Variants in ARFIP1 observed in about 807,000 individuals in gnomAD.
The protein encoded by ARFIP1 is arfaptin-1.
ARFIP1 carries 24 observed loss-of-function variants against 42.5 expected under a neutral mutation model. That is an observed-to-expected ratio of 0.57 (90% CI 0.41 to 0.80). The LOEUF is 0.80. ARFIP1 is among the 30% of genes least tolerant of loss of function. ARFIP1 has a pLI of 0.00. For missense variants in ARFIP1, 354 were observed against 434.0 expected (o/e 0.82, Z 1.64); for synonymous variants, 141 against 153.7 (o/e 0.92, Z 0.61).
chr4:152,858,176 C>T (rs1413110049), intron 2 of ARFIP1, among the ~76,000 whole-genome samples: 2 of 152,086 alleles, frequency 1.3e-5, no homozygotes, highest in Non-Finnish European at 2.9e-5. Context: ...TCTGTAATCC[C>T]AGCTACTCGG....
intron 2 of ARFIP1, among the ~76,000 whole-genome samples, chr4:152,836,825 G>C (rs890666022): frequency 2.0e-5 from 3 of 151,844 alleles, no homozygotes; most frequent in South Asian, 2.1e-4. Context: ...TGAGGTACAG[G>C]TGGTATTTGG....
chr4:152,907,669 T>C (rs571551540), intron 8 of ARFIP1, among the ~76,000 whole-genome samples: 1 of 152,356 alleles, frequency 6.6e-6, no homozygotes, highest in South Asian at 2.1e-4. Context: ...TTGTTTTGCT[T>C]GACCTGATAC....
At chr4:152,797,945 C>CAATCAACTA (rs1731568871) in intron 1 of ARFIP1, among the ~76,000 whole-genome samples, 3 of 151,940 alleles carry the variant, frequency 2.0e-5, no homozygotes, top group Admixed American at 6.6e-5. Flanking sequence ...TGGCTAATAC[C>CAATCAACTA]GCTGGTATGA....
At chr4:152,867,713 A>G (rs1245813812) in intron 3 of ARFIP1, among the ~76,000 whole-genome samples, 3 of 152,204 alleles carry the variant, frequency 2.0e-5, no homozygotes, top group Non-Finnish European at 4.4e-5. Context: ...TAAAATGCCC[A>G]TCAGTTTCAC....
At chr4:152,888,841 G>A (rs184127872) in intron 8 of ARFIP1, among the ~76,000 whole-genome samples, 1 of 152,264 alleles carries the variant, frequency 6.6e-6, no homozygotes, top group East Asian at 1.9e-4. Flanking sequence ...TGGACCAGCT[G>A]TAGGTTTCAG....
intron 2 of ARFIP1, among the ~76,000 whole-genome samples, chr4:152,843,900 G>A (rs980715987): frequency 2.0e-5 from 3 of 152,140 alleles, no homozygotes; most frequent in Non-Finnish European, 4.4e-5. Context: ...GTCTGCACAC[G>A]GGATTTGTGC....
chr4:152,783,286 G>C (rs1376814769), intron 1 of ARFIP1, among the ~76,000 whole-genome samples: 1 of 152,182 alleles, frequency 6.6e-6, no homozygotes, highest in Non-Finnish European at 1.5e-5. Context: ...CTCCAGCCTG[G>C]CCAACAGAGT....
At chr4:152,832,227 T>G (rs1164639509) in intron 2 of ARFIP1, among the ~76,000 whole-genome samples, 2 of 152,226 alleles carry the variant, frequency 1.3e-5, no homozygotes, top group Non-Finnish European at 2.9e-5. Flanking sequence ...GAGTTCTAGT[T>G]GTTCCACATC....
At chr4:152,898,883 A>G (rs1205960875) in intron 8 of ARFIP1, among the ~76,000 whole-genome samples, 1 of 152,178 alleles carries the variant, frequency 6.6e-6, no homozygotes, top group Non-Finnish European at 1.5e-5. Context: ...TACTATTACT[A>G]CTTACAGGCT....
chr4:152,816,998 A>G (rs1729944590), intron 1 of ARFIP1, among the ~76,000 whole-genome samples: 1 of 152,186 alleles, frequency 6.6e-6, no homozygotes, highest in Non-Finnish European at 1.5e-5. Context: ...CACTGATTAT[A>G]ATTTTTTATC....
intron 3 of ARFIP1, among the ~76,000 whole-genome samples, chr4:152,870,104 A>C (rs1178576746): frequency 1.3e-5 from 2 of 152,208 alleles, no homozygotes; most frequent in Non-Finnish European, 2.9e-5. Context: ...AATCTTATGA[A>C]AATGTAGGTT....
intron 2 of ARFIP1, among the ~76,000 whole-genome samples, chr4:152,838,412 A>G (rs1266747672): frequency 6.6e-6 from 1 of 152,024 alleles, no homozygotes; most frequent in Non-Finnish European, 1.5e-5. Flanking sequence ...TGAGTATGGG[A>G]TGTGTTTCCA....
At chr4:152,791,422 C>A (rs1220474252) in intron 1 of ARFIP1, among the ~76,000 whole-genome samples, 1 of 152,128 alleles carries the variant, frequency 6.6e-6, no homozygotes, top group African/African-American at 2.4e-5. Context: ...TATGGTAACT[C>A]AATTTTTTAT....
At chr4:152,859,651 C>G (rs188741064) in intron 2 of ARFIP1, among the ~76,000 whole-genome samples, 2 of 152,104 alleles carry the variant, frequency 1.3e-5, no homozygotes, top group African/African-American at 2.4e-5. Flanking sequence ...TCCAGCTGGG[C>G]TTTTCTTGCA....
rs71598215 is a variant in ARFIP1 at position 152,789,080 on chromosome 4, C to CTT, written c.-10+8881_-10+8882dup. On this transcript the variant is annotated intron_variant, in intron 1 of 8. Coordinates refer to ENST00000353617, the MANE Select transcript of ARFIP1 (RefSeq NM_001025595.3). ...CATCACATCATATCAAGAATACAGA[C>CTT]TTTTTTTTTTTTTTTTTTTTTTTTT... Among the ~76,000 whole-genome samples the CTT allele has an allele frequency of 1.8e-3, 126 of 71,864 alleles. 21 individuals are homozygous for CTT. The highest frequency in any genetic ancestry group is 2.3e-3 in the Non-Finnish European group (86 of 38,042). 47.1% of individuals were successfully genotyped at this position (71,864 alleles called of 152,430 possible). A position where few individuals can be genotyped will look rare whatever the true frequency, so the allele number is the denominator to read the frequency against.
At chr4:152,877,065 C>T (rs1047762002) in intron 5 of ARFIP1, among the ~76,000 whole-genome samples, 1 of 152,164 alleles carries the variant, frequency 6.6e-6, no homozygotes, top group African/African-American at 2.4e-5. Context: ...AGAAGGGAAT[C>T]GTGCGATCAG....
intron 1 of ARFIP1, among the ~76,000 whole-genome samples, chr4:152,789,080 CTTTTTTTTTTTTTT>C (rs71598215): frequency 5.6e-5 from 4 of 71,862 alleles, no homozygotes; most frequent in East Asian, 4.0e-4. Flanking sequence ...AGAATACAGA[CTTTTTTTTTTTTTT>C]TTTTTTTTTT....
intron 1 of ARFIP1, among the ~76,000 whole-genome samples, chr4:152,817,144 T>C (rs1438728820): frequency 6.6e-6 from 1 of 152,172 alleles, no homozygotes; most frequent in South Asian, 2.1e-4. Flanking sequence ...AGGAATGAAG[T>C]AGAACATAAT....
At chr4:152,835,515 C>T (rs1008199162) in intron 2 of ARFIP1, among the ~76,000 whole-genome samples, 1 of 152,186 alleles carries the variant, frequency 6.6e-6, no homozygotes, top group Non-Finnish European at 1.5e-5. Flanking sequence ...CTGGACTTCA[C>T]TGTCCATATT....
Sources: allele counts gnomAD v4.1 joint callset (sites outside exome capture counted in the v4.1 genomes callset), GRCh38; gene constraint gnomAD v4.1.1; transcripts MANE v1.5; gene names NCBI Gene and HGNC (gene_info 2026-07-23, HGNC 2026-07-21).